SCN9A: variants seen among roughly 807,000 people sequenced by gnomAD.
SCN9A encodes sodium channel protein type 9 subunit alpha.
In SCN9A, 131 loss-of-function variants were observed where a neutral mutation model predicts 187.0. That is an observed-to-expected ratio of 0.70 (90% CI 0.61 to 0.81). The LOEUF (loss-of-function observed/expected upper bound fraction) is 0.81. Among genes scored for constraint, SCN9A ranks in the 30% least tolerant of loss-of-function variants. The pLI is 0.00. For synonymous variants in SCN9A, 809 were observed against 808.6 expected, an observed-to-expected ratio of 1.00 and a Z score of -0.01; for missense variants, 2,252 against 2,396.6, an observed-to-expected ratio of 0.94 and a Z score of 1.26.
At chr2:166,371,311 G>C (rs1157228270) in intron 1 of SCN9A, among the ~76,000 whole-genome samples, 2 of 152,122 alleles carry the variant, frequency 1.3e-5, no homozygotes, top group African/African-American at 4.8e-5. Flanking sequence ...CTTGTCTGTG[G>C]CAGATTATGC....
chr2:166,342,675 C>A (rs1171693900), intron 1 of SCN9A, among the ~76,000 whole-genome samples: 3 of 152,108 alleles, frequency 2.0e-5, no homozygotes, highest in African/African-American at 4.8e-5. Context: ...TATAAACAAT[C>A]TACACATGCA....
chr2:166,373,175 G>A (rs897061094), intron 1 of SCN9A, among the ~76,000 whole-genome samples: 25 of 152,276 alleles, frequency 1.6e-4, no homozygotes, highest in African/African-American at 5.3e-4. Context: ...TTAATGAGAA[G>A]AGAATAGGTT....
intron 1 of SCN9A, among the ~76,000 whole-genome samples, chr2:166,325,897 C>T (rs1699350664): frequency 6.6e-6 from 1 of 152,068 alleles, no homozygotes; most frequent in African/African-American, 2.4e-5. Context: ...CCCCTTTTGT[C>T]AATAATATTT....
At chr2:166,349,880 A>G (rs35360495) in intron 1 of SCN9A, among the ~76,000 whole-genome samples, 91,027 of 151,844 alleles carry the variant, frequency 0.6, 27,476 homozygotes, top group African/African-American at 0.67. Flanking sequence ...GCTGAGGCAG[A>G]AGAATTGCTT....
chr2:166,286,989 A>T (rs930456059), intron 10 of SCN9A, among the ~76,000 whole-genome samples: 2 of 152,164 alleles, frequency 1.3e-5, no homozygotes, highest in African/African-American at 4.8e-5. Flanking sequence ...AATTAACTCC[A>T]TATCATCAAT....
intron 17 of SCN9A, among the ~76,000 whole-genome samples, chr2:166,267,520 C>T (rs890614004): frequency 6.6e-5 from 10 of 151,496 alleles, no homozygotes; most frequent in South Asian, 2.1e-4. Context: ...GCTTTCTTTT[C>T]GTGTGTGTGT....
At chr2:166,322,929 G>C (rs1047547628) in intron 1 of SCN9A, among the ~76,000 whole-genome samples, 1 of 152,044 alleles carries the variant, frequency 6.6e-6, no homozygotes, top group Non-Finnish European at 1.5e-5. Flanking sequence ...TATTTATTTT[G>C]TAAAATGTAA....
At chr2:166,321,911 C>G (rs1699255118) in intron 1 of SCN9A, among the ~76,000 whole-genome samples, 1 of 151,354 alleles carries the variant, frequency 6.6e-6, no homozygotes, top group African/African-American at 2.4e-5. Context: ...AACCTGTCAG[C>G]TCTAAAGCAT....
intron 10 of SCN9A, among the ~76,000 whole-genome samples, chr2:166,288,120 T>TATATATATACACACACAC (rs56738765): frequency 7.1e-4 from 96 of 135,544 alleles, no homozygotes; most frequent in South Asian, 4.8e-3. Context: ...TATATATATA[T>TATATATATACACACACAC]ACACACACAT....
chr2:166,327,203 G>T (rs1365645535), intron 1 of SCN9A, among the ~76,000 whole-genome samples: 3 of 152,172 alleles, frequency 2.0e-5, no homozygotes, highest in African/African-American at 4.8e-5. Flanking sequence ...CTGTTGCCCA[G>T]GTTGCAGTGC....
At chr2:166,367,897 T>C (rs1300068028) in intron 1 of SCN9A, among the ~76,000 whole-genome samples, 2 of 152,220 alleles carry the variant, frequency 1.3e-5, no homozygotes, top group African/African-American at 4.8e-5. Context: ...GAAACAGTCA[T>C]CCATCTTTCT....
chr2:166,222,966 A>C (rs536957859), intron 24 of SCN9A, among the ~76,000 whole-genome samples: 5 of 148,732 alleles, frequency 3.4e-5, no homozygotes, highest in Admixed American at 3.3e-4. Context: ...AAAAAAAAAA[A>C]AAAAAACAGC....
chr2:166,197,607 A>G lies in SCN9A; in HGVS notation c.*1065T>C, dbSNP rs1440031990. On this transcript the variant is annotated 3_prime_UTR_variant, in exon 27 of 27. Transcript: ENST00000642356. ...GCTTGCCAAACACGGGATTGTATAC[A>G]AGTGATGCAATAAATACTGTGCCCA... The G allele has an allele frequency of 6.6e-6, 1 of 152,196 alleles. No individual in the cohort carries two copies. Among genetic ancestry groups the G allele is most frequent in the African/African-American group, 2.4e-5 (1 of 41,458 alleles). 9.4% of individuals were successfully genotyped at this position (152,196 alleles called of 1,614,324 possible). A position where few individuals can be genotyped will look rare whatever the true frequency, so the allele number is the denominator to read the frequency against.
chr2:166,340,215 T>A (rs1312605343), intron 1 of SCN9A, among the ~76,000 whole-genome samples: 1 of 152,198 alleles, frequency 6.6e-6, no homozygotes, highest in Non-Finnish European at 1.5e-5. Context: ...ATCTGAGAAA[T>A]ATAATCTATA....
chr2:166,291,475 A>G (rs1437087405), intron 9 of SCN9A, among the ~76,000 whole-genome samples: 2 of 152,224 alleles, frequency 1.3e-5, no homozygotes, highest in South Asian at 2.1e-4. Flanking sequence ...GGAAGAATCA[A>G]TGTCATGTAA....
intron 11 of SCN9A, among the ~76,000 whole-genome samples, chr2:166,285,146 C>A (rs1697681678): frequency 6.6e-6 from 1 of 152,134 alleles, no homozygotes. Context: ...AAAAAAAGAA[C>A]TTAGTATTGC....
At position 166,231,753 on chromosome 2, in the gene SCN9A, A is replaced by C. The variant is rs566477067; in HGVS notation, c.3924+1587T>G. 4.6e-5 allele frequency among the ~76,000 whole-genome samples: 7 copies of C among 151,894 alleles called. No homozygotes were observed. In the South Asian group the frequency reaches 1.3e-3, roughly 27 times the overall value. On this transcript the variant is annotated intron_variant, in intron 21 of 26. Coordinates refer to ENST00000642356, the MANE Select transcript of SCN9A (RefSeq NM_001365536.1). Reference sequence around the variant, plus strand: ...TTTTTAGTAGAGATGGGGTTTCACCATATTGGCCAGGCTGGTCTCGAACTC... The same window carrying C: ...TTTTTAGTAGAGATGGGGTTTCACCCTATTGGCCAGGCTGGTCTCGAACTC...
intron 18 of SCN9A, among the ~76,000 whole-genome samples, chr2:166,243,540 T>C (rs1174259381): frequency 2.0e-5 from 3 of 152,024 alleles, no homozygotes; most frequent in Non-Finnish European, 4.4e-5. Flanking sequence ...CTAGAAGAGA[T>C]GGAGCCTGGG....
chr2:166,330,436 A>G (rs1184049279), intron 1 of SCN9A, among the ~76,000 whole-genome samples: 1 of 152,198 alleles, frequency 6.6e-6, no homozygotes, highest in African/African-American at 2.4e-5. Flanking sequence ...GTTTTTATTT[A>G]CTAAGCACTA....
Sources: gnomAD v4.1 joint callset for allele counts (sites outside exome capture counted in the v4.1 genomes callset) on GRCh38, gnomAD v4.1.1 for gene constraint, MANE v1.5 for transcripts, NCBI Gene and HGNC (gene_info 2026-07-23, HGNC 2026-07-21) for gene names.